The following ANAPC5 variants were observed in gnomAD, a reference collection of about 807,000 sequenced individuals.
ANAPC5 encodes the protein anaphase-promoting complex subunit 5.
In ANAPC5, 60 loss-of-function variants were observed where a neutral mutation model predicts 91.3. The ratio of observed to expected loss-of-function variants is 0.66; its 90% CI spans 0.53 to 0.81. The LOEUF (loss-of-function observed/expected upper bound fraction) is 0.81, where lower values mean the gene tolerates loss of function less well. ANAPC5 is among the 40% of genes least tolerant of loss of function. The pLI is 0.00. For synonymous variants in ANAPC5, 340 were observed against 364.1 expected, an observed-to-expected ratio of 0.93 and a Z score of 0.75; for missense variants, 690 against 931.5, an observed-to-expected ratio of 0.74 and a Z score of 3.37.
At chr12:121,337,647 C>G (rs1211362347) in intron 5 of ANAPC5, among the ~76,000 whole-genome samples, 1 of 152,104 alleles carries the variant, frequency 6.6e-6, no homozygotes, top group African/African-American at 2.4e-5. Flanking sequence ...ACCCATCGCT[C>G]CCCAGCCATA....
At chr12:121,319,892 G>A in intron 12 of ANAPC5, 74 bp from the exon 13 acceptor site, 6 of 1,392,652 alleles carry the variant, frequency 4.3e-6, no homozygotes, top group Middle Eastern at 2.5e-4. Context: ...AAAGTATTTT[G>A]GATTGCTTAG....
At chr12:121,352,510 T>C (rs1593613404), upstream of ANAPC5, 4 of 591,832 alleles carry the variant, frequency 6.8e-6, no homozygotes, top group Middle Eastern at 4.5e-4. Context: ...TCAGAGCACA[T>C]GGGAGAGCGA....
intron 1 of ANAPC5, among the ~76,000 whole-genome samples, chr12:121,350,833 CG>C (rs1384882409): frequency 6.6e-6 from 1 of 152,052 alleles, no homozygotes; most frequent in Non-Finnish European, 1.5e-5. Flanking sequence ...TGGAGGTTAC[CG>C]TCTAATGGGA....
At position 121,342,697 on chromosome 12, in the gene ANAPC5, A is replaced by G. The variant is rs112447102; in HGVS notation, c.591-628T>C. Among the ~76,000 whole-genome samples the G allele has an allele frequency of 8.1e-4, 123 of 152,230 alleles. No individual in the cohort carries two copies. The highest frequency in any genetic ancestry group is 2.9e-3 in the African/African-American group (119 of 41,568). On this transcript the variant is annotated intron_variant, in intron 4 of 16. Coordinates refer to ENST00000261819, the MANE Select transcript of ANAPC5 (RefSeq NM_016237.5). This position sits in a 1 kb window ranked among gnomAD's most constrained non-coding sequence, Gnocchi z 4.1. Reference sequence around the variant, plus strand: ...AACATGGTGAAAACCTGTCTCTACTAAAATACAAAAAATTAGCCAAGTGTG... The same window carrying G: ...AACATGGTGAAAACCTGTCTCTACTGAAATACAAAAAATTAGCCAAGTGTG...
At chr12:121,354,113 C>G (rs1250571303), upstream of ANAPC5, among the ~76,000 whole-genome samples, 1 of 151,848 alleles carries the variant, frequency 6.6e-6, no homozygotes, top group Admixed American at 6.6e-5. Flanking sequence ...CTCAGCCTCC[C>G]GAGTAGCTGG....
intron 5 of ANAPC5, among the ~76,000 whole-genome samples, chr12:121,338,524 G>T (rs1417722830): frequency 6.6e-6 from 1 of 152,058 alleles, no homozygotes; most frequent in Non-Finnish European, 1.5e-5. Context: ...GGGAGGCAGA[G>T]ATTACAGTGA....
At position 121,330,632 on chromosome 12, in the gene ANAPC5, T is replaced by C. The variant is rs116135448; in HGVS notation, c.1073A>G (p.Tyr358Cys). The change falls in exon 9 of 17, where the codon TAT (tyrosine) becomes TGT (cysteine). Residue 358 changes from tyrosine (Y) to cysteine (C), a missense_variant. Coordinates refer to ENST00000261819, the MANE Select transcript of ANAPC5 (RefSeq NM_016237.5). ...YVLGQKRSDS[Y>C]VLLEHSVKKA... Reference sequence around the variant, plus strand: ...CTTCACAGAATGCTCCAGCAGAACATAGCTATCGGATCTCTTCTGCCCCAG... The same window carrying C: ...CTTCACAGAATGCTCCAGCAGAACACAGCTATCGGATCTCTTCTGCCCCAG... The C allele has an allele frequency of 6.2e-6, 10 of 1,614,126 alleles. No homozygotes were observed. The highest frequency in any genetic ancestry group is 6.8e-6 in the Non-Finnish European group (8 of 1,180,004).
intron 15 of ANAPC5, among the ~76,000 whole-genome samples, chr12:121,314,117 C>A (rs181552451): frequency 6.6e-6 from 1 of 152,066 alleles, no homozygotes; most frequent in Non-Finnish European, 1.5e-5. Context: ...AAGAAAAAAT[C>A]GGGGCTGGGC....
rs776465097 is a variant in ANAPC5, at chr12:121,309,863, G to T, written c.1894C>A (p.Leu632Ile). ...ETVLNLAFAQ[L>I]ILGIPEQALS... ...GCCTGTTCTGGGATTCCAAGAATGA[G>T]CTGAAAAAGAAACATCATGGCACTG... The change falls in exon 16 of 17, where the codon CTC (leucine) becomes ATC (isoleucine). Residue 632 changes from leucine (L) to isoleucine (I), a missense_variant and splice_region_variant. Physicochemically the swap from Leu to Ile is conservative, Grantham distance 5. This residue lies in a region of ANAPC5 where 317 missense variants were observed against 438.7 expected (regional missense o/e 0.72). Transcript: ENST00000261819. 7 of 1,611,952 alleles carry T rather than the reference G, an allele frequency of 4.3e-6. No individual in the cohort carries two copies. Among genetic ancestry groups the T allele is most frequent in the Non-Finnish European group, 5.9e-6 (7 of 1,179,242 alleles).
At chr12:121,345,376 G>A (rs1330200421) in intron 4 of ANAPC5, among the ~76,000 whole-genome samples, 3 of 152,158 alleles carry the variant, frequency 2.0e-5, no homozygotes, top group African/African-American at 7.2e-5. Flanking sequence ...TCTGAGAAGA[G>A]TTTAACAAAG....
intron 11 of ANAPC5, among the ~76,000 whole-genome samples, chr12:121,325,189 G>A (rs977333503): frequency 2.0e-5 from 3 of 151,906 alleles, no homozygotes; most frequent in African/African-American, 4.8e-5. Flanking sequence ...CTGGCTGGGC[G>A]CGGTGGCTAA....
At chr12:121,349,720 AT>A (rs11408254) in intron 1 of ANAPC5, among the ~76,000 whole-genome samples, 42 of 138,268 alleles carry the variant, frequency 3.0e-4, no homozygotes, top group Admixed American at 3.7e-4. Context: ...CACTGTTTCT[AT>A]TTTTTTTTTT....
rs1903725603 is a variant in ANAPC5, at chr12:121,347,747, T to C, written c.287+55A>G. Reference sequence around the variant, plus strand: ...GAATTAACTACCACATACCCTTTTGTGATTTTCATCTACCTTCACACCTTT... The same window carrying C: ...GAATTAACTACCACATACCCTTTTGCGATTTTCATCTACCTTCACACCTTT... On this transcript the variant is annotated intron_variant, in intron 2 of 16. Coordinates refer to ENST00000261819, the MANE Select transcript of ANAPC5 (RefSeq NM_016237.5). The C allele has an allele frequency of 8.0e-6, 11 of 1,379,994 alleles. No individual in the cohort carries two copies. The South Asian group carries it at 8.2e-5, about 10-fold the overall frequency. The allele number at this position is 1,379,994 out of a possible 1,614,324, so 85.5% of individuals were successfully genotyped here. A position where few individuals can be genotyped will look rare whatever the true frequency, so the allele number is the denominator to read the frequency against.
intron 15 of ANAPC5, among the ~76,000 whole-genome samples, chr12:121,313,085 G>A (rs2136755091): frequency 6.6e-6 from 1 of 152,340 alleles, no homozygotes; most frequent in African/African-American, 2.4e-5. Context: ...CAGCACTTTG[G>A]GAGGCCAAGG....
At chr12:121,309,973 T>C (rs1166905797) in intron 15 of ANAPC5, 110 bp from the exon 16 acceptor site, 1 of 1,052,920 alleles carries the variant, frequency 9.5e-7, no homozygotes. Context: ...GGCTTACCTT[T>C]TACCTGACAT....
At chr12:121,338,487 G>A (rs1903327674) in intron 5 of ANAPC5, among the ~76,000 whole-genome samples, 1 of 151,952 alleles carries the variant, frequency 6.6e-6, no homozygotes, top group African/African-American at 2.4e-5. Context: ...TACTCGGGAG[G>A]CTGAGGCAGG....
chr12:121,319,596 GT>G (rs1009044979), intron 13 of ANAPC5, 100 bp downstream of exon 13: 8 of 1,286,206 alleles, frequency 6.2e-6, no homozygotes, highest in Non-Finnish European at 6.3e-6. Flanking sequence ...AGAAAATAAA[GT>G]TTTTTTCTAA....
intron 11 of ANAPC5, chr12:121,326,673 C>G (rs1175854382): frequency 1.3e-5 from 2 of 153,592 alleles, no homozygotes; most frequent in Admixed American, 6.5e-5. Flanking sequence ...CAAACCTGAG[C>G]CCATGAAGTG....
Position 121,346,980 on chromosome 12 carries a change from A to G in ANAPC5, c.313T>C (p.Leu105=). 1.2e-6 allele frequency: 2 copies of G among 1,610,212 alleles called. No individual in the cohort carries two copies. Among genetic ancestry groups the G allele is most frequent in the Non-Finnish European group, 1.7e-6 (2 of 1,178,950 alleles). ...TCAAAAAACTGTTCCATATCCTTCAACTCGCCTTCAGCCATCAGTTTGATT... is the reference window on the plus strand; with the variant it reads ...TCAAAAAACTGTTCCATATCCTTCAGCTCGCCTTCAGCCATCAGTTTGATT... ...IRIKLMAEGE[L]KDMEQFFDDL... The change falls in exon 3 of 17, where the codon TTG becomes CTG. Residue 105 remains leucine, a synonymous_variant. Coordinates refer to ENST00000261819, the MANE Select transcript of ANAPC5 (RefSeq NM_016237.5).
Sources: allele counts gnomAD v4.1 joint callset (sites outside exome capture counted in the v4.1 genomes callset), GRCh38; gene constraint gnomAD v4.1.1; regional missense constraint gnomAD v4.1.1; non-coding constraint Gnocchi (gnomAD v3.1); transcripts MANE v1.5; gene names NCBI Gene and HGNC (gene_info 2026-07-23, HGNC 2026-07-21).